The following WNT8A variants were observed in gnomAD, a reference collection of about 807,000 sequenced individuals.
WNT8A encodes the protein Wnt family member 8A, also known as protein Wnt-8a.
In WNT8A, 14 loss-of-function variants were observed where a neutral mutation model predicts 20.5. The observed-to-expected ratio is 0.68, with a 90% CI of 0.45 to 1.07. The LOEUF is 1.07. Among genes scored for constraint, WNT8A ranks in the 50% least tolerant of loss-of-function variants. WNT8A has a pLI of 0.00. For synonymous variants in WNT8A, 167 were observed against 169.2 expected (o/e 0.99, Z 0.10); for missense variants, 397 against 462.9 (o/e 0.86, Z 1.31).
At chr5:138,080,978 A>C (rs1750496422), upstream of WNT8A, among the ~76,000 whole-genome samples, 1 of 152,130 alleles carries the variant, frequency 6.6e-6, no homozygotes. Context: ...GCAGTGGCTC[A>C]CGCCTGTAAT....
chr5:138,083,805 G>T (rs10041787), upstream of WNT8A: 41,284 of 362,714 alleles, frequency 0.11, 2,657 homozygotes, highest in Non-Finnish European at 0.12. Flanking sequence ...GAAATCTCAC[G>T]TATAGGAGAA....
In WNT8A at chr5:138,087,930, A is replaced by C; in HGVS notation, c.420A>C (p.Thr140=). The C allele has an allele frequency of 6.2e-7, 1 of 1,613,472 alleles. No individual in the cohort carries two copies. The highest frequency in any genetic ancestry group is 2.2e-5 in the East Asian group (1 of 44,858). Residue 140 remains threonine, a splice_region_variant and synonymous_variant, in exon 3 of 5, where the codon ACA becomes ACC. Transcript: ENST00000506684. The stretch of plus-strand genomic sequence containing the variant: ...GTGATGGGTCAAACAATGGAAAAAC[A>C]GGTAAGTTGAGCTTTCTAATGGGGG... ...CGCDGSNNGK[T]GGHGWIWGGC...
chr5:138,082,660 AC>A (rs1750537753), upstream of WNT8A, among the ~76,000 whole-genome samples: 2 of 151,970 alleles, frequency 1.3e-5, no homozygotes, highest in Non-Finnish European at 2.9e-5. Flanking sequence ...CAGGTGGATC[AC>A]GAGATTAAGA....
At position 138,090,690 on chromosome 5, in the gene WNT8A, C is replaced by G. The variant is rs762740556; in HGVS notation, c.727C>G (p.Leu243Val). Reference sequence around the variant, plus strand: ...GAAAATTGAAATGGATAAGCGGCAGCTGAGAGCTGGGAACAGCGCCGAGGG... The same window carrying G: ...GAAAATTGAAATGGATAAGCGGCAGGTGAGAGCTGGGAACAGCGCCGAGGG... ...ALKIEMDKRQ[L>V]RAGNSAEGHW... Residue 243 changes from leucine (L) to valine (V), a missense_variant, in exon 5 of 5, where the codon CTG becomes GTG. Transcript: ENST00000506684. 1.2e-6 allele frequency: 2 copies of G among 1,614,256 alleles called. No individual in the cohort carries two copies. Among genetic ancestry groups the G allele is most frequent in the Non-Finnish European group, 1.7e-6 (2 of 1,180,044 alleles).
At position 138,090,649 on chromosome 5, in the gene WNT8A, A is replaced by G. The variant is rs911161362; in HGVS notation, c.686A>G (p.Lys229Arg). The change falls in exon 5 of 5, where the codon AAG becomes AGG. Residue 229 changes from lysine to arginine, a missense_variant. Transcript: ENST00000506684. Reference protein sequence around the residue: ...FREMGDYLKAKYDQALKIEMD... With the variant: ...FREMGDYLKARYDQALKIEMD... ...GAGATGGGAGACTACCTAAAGGCCA[A>G]GTATGACCAGGCGCTGAAAATTGAA... 1.9e-6 allele frequency: 3 copies of G among 1,614,232 alleles called. No individual in the cohort carries two copies. In the East Asian group the frequency reaches 6.7e-5, roughly 36 times the overall value.
chr5:138,091,585 G>A (rs3860103), downstream of WNT8A: 10 of 1,053,582 alleles, frequency 9.5e-6, no homozygotes, highest in Non-Finnish European at 1.3e-5. Context: ...TAGAGTGTTG[G>A]ATTTTTTATC....
intron 3 of WNT8A, among the ~76,000 whole-genome samples, 153 bp from the exon 4 acceptor site, chr5:138,088,774 G>A (rs1750752996): frequency 6.6e-6 from 1 of 152,046 alleles, no homozygotes; most frequent in African/African-American, 2.4e-5. Context: ...AGTTGGCTTT[G>A]GCAACAGGAC....
At chr5:138,091,599 C>A, downstream of WNT8A, 2 of 874,530 alleles carry the variant, frequency 2.3e-6, no homozygotes, top group Non-Finnish European at 3.1e-6. Context: ...TTTTATCCCC[C>A]AAGTATGCAC....
At chr5:138,088,019 G>A in intron 3 of WNT8A, 88 bp downstream of exon 3, 1 of 1,559,156 alleles carries the variant, frequency 6.4e-7, no homozygotes, top group Non-Finnish European at 8.7e-7. Context: ...AAGGCTGAGG[G>A]ACACAGCTCC....
intron 1 of WNT8A, 21 bp downstream of exon 1, chr5:138,084,304 T>A: frequency 6.2e-7 from 1 of 1,613,448 alleles, no homozygotes; most frequent in Non-Finnish European, 8.5e-7. Flanking sequence ...CTCCAGCTTC[T>A]GTTTTTACCC....
upstream of WNT8A, among the ~76,000 whole-genome samples, chr5:138,080,444 G>GTTTTTTTGTTTTTTTTTTTTTT: frequency 1.8e-5 from 1 of 55,974 alleles, no homozygotes; most frequent in Non-Finnish European, 3.2e-5. Context: ...TGTAAATCTT[G>GTTTTTTTGTTTTTTTTTTTTTT]TTTTTTTTTT....
At chr5:138,091,694 C>CACTT (rs1189707789), downstream of WNT8A, among the ~76,000 whole-genome samples, 1 of 99,264 alleles carries the variant, frequency 1.0e-5, no homozygotes, top group Non-Finnish European at 2.2e-5. Flanking sequence ...GGTGTGGTGG[C>CACTT]ACTTGCCTGT....
rs200795392 is a variant in WNT8A, at chr5:138,089,084, T to G, written c.564+15T>G. ...CCGGCAGACTGGTGGGTATAGGCATTGTGGCCAGTATTTCTACAGCTTCAC... is the reference window on the plus strand; with the variant it reads ...CCGGCAGACTGGTGGGTATAGGCATGGTGGCCAGTATTTCTACAGCTTCAC... On this transcript the variant is annotated intron_variant, in intron 4 of 4. Transcript: ENST00000506684. 1.2e-6 allele frequency: 2 copies of G among 1,610,594 alleles called. No homozygotes were observed. Among genetic ancestry groups the G allele is most frequent in the South Asian group, 1.1e-5 (1 of 90,536 alleles).
rs773310920 is a variant in WNT8A, at chr5:138,091,105, G to A, written c.*32G>A. 8.2e-6 allele frequency: 13 copies of A among 1,590,296 alleles called. No individual in the cohort carries two copies. The highest frequency in any genetic ancestry group is 1.1e-5 in the Non-Finnish European group (13 of 1,168,642). On this transcript the variant is annotated 3_prime_UTR_variant, in exon 5 of 5. Transcript: ENST00000506684. ...CCCACACAAGTTCACTTGATTAATT[G>A]CATCAGTGGAAGGGGACATAGCTTC...
At chr5:138,080,377 C>T (rs1336483034), upstream of WNT8A, among the ~76,000 whole-genome samples, 4 of 143,742 alleles carry the variant, frequency 2.8e-5, no homozygotes, top group Non-Finnish European at 6.0e-5. Flanking sequence ...TTCCAACGCT[C>T]GCAACTGAAG....
In WNT8A at chr5:138,088,823, C is replaced by T. The variant is rs913958228; in HGVS notation, c.422-104C>T. 3 of 1,463,588 alleles carry T rather than the reference C, an allele frequency of 2.0e-6. No homozygotes were observed. The East Asian group carries it at 7.0e-5, about 34-fold the overall frequency. The allele number at this position is 1,463,588 out of a possible 1,614,324, so 90.7% of individuals were successfully genotyped here. Reference sequence around the variant, plus strand: ...AAGCACCTCCATTTCCCTGTCTCACCTTCAGCCATAGCTTTACACTCTAGG... The same window carrying T: ...AAGCACCTCCATTTCCCTGTCTCACTTTCAGCCATAGCTTTACACTCTAGG... On this transcript the variant is annotated intron_variant, in intron 3 of 4. Coordinates refer to ENST00000506684, the MANE Select transcript of WNT8A (RefSeq NM_001300939.2).
rs140812716 is a variant in WNT8A, at chr5:138,090,388, A to G, written c.565-140A>G. On this transcript the variant is annotated intron_variant, in intron 4 of 4. Coordinates refer to ENST00000506684, the MANE Select transcript of WNT8A (RefSeq NM_001300939.2). ...AAGATCTGAGGTAGGGTCGAGGAAT[A>G]AATATTTTTCGTGAGCTTCCCCAAA... is the stretch of plus-strand genomic sequence containing the variant. 3.6e-3 allele frequency: 2,658 copies of G among 737,492 alleles called. 5 individuals are homozygous for G. The highest frequency in any genetic ancestry group is 5.0e-3 in the Non-Finnish European group (2,287 of 454,410). The allele number at this position is 737,492 out of a possible 1,614,324, so 45.7% of individuals were successfully genotyped here.
Position 138,084,614 on chromosome 5 carries a change from C to T in WNT8A, c.273C>T (p.Ser91=). 1 of 1,610,948 alleles carries T rather than the reference C, an allele frequency of 6.2e-7. No homozygotes were observed. The highest frequency in any genetic ancestry group is 8.5e-7 in the Non-Finnish European group (1 of 1,178,350). Reference sequence around the variant, plus strand: ...GCCCTGAAAATGCTCTTCAGCTCTCCACCCACAACAGGCTGAGAAGTGGTA... The same window carrying T: ...GCCCTGAAAATGCTCTTCAGCTCTCTACCCACAACAGGCTGAGAAGTGGTA... ...WNCPENALQL[S]THNRLRSATR... Residue 91 remains serine, a synonymous_variant, in exon 2 of 5, where the codon TCC becomes TCT. Transcript: ENST00000506684.
rs1481149249 is a variant in WNT8A, at chr5:138,089,010, G to A, written c.505G>A (p.Glu169Lys). 11 of 1,613,942 alleles carry A rather than the reference G, an allele frequency of 6.8e-6. No homozygotes were observed. The highest frequency in any genetic ancestry group is 9.3e-6 in the Non-Finnish European group (11 of 1,180,032). The change falls in exon 4 of 5, where the codon GAG (glutamate) becomes AAG (lysine). Residue 169 changes from glutamate (E) to lysine (K), a missense_variant. Glu to Lys is a moderately conservative substitution (Grantham distance 56). Coordinates refer to ENST00000506684, the MANE Select transcript of WNT8A (RefSeq NM_001300939.2). The part of the protein sequence containing the change: ...RISKLFVDSL[E>K]KGKDARALMN... ...CTCCAAACTCTTTGTGGACAGTTTG[G>A]AGAAGGGGAAGGATGCCAGAGCCCT...
Sources: allele counts gnomAD v4.1 joint callset (sites outside exome capture counted in the v4.1 genomes callset), GRCh38; gene constraint gnomAD v4.1.1; transcripts MANE v1.5; gene names NCBI Gene and HGNC (gene_info 2026-07-23, HGNC 2026-07-21).